Variants in DNAJC12 observed in about 807,000 individuals in gnomAD.
DNAJC12 encodes the protein dnaJ homolog subfamily C member 12.
In DNAJC12, 25 loss-of-function variants were observed where a neutral mutation model predicts 28.5. That is an observed-to-expected ratio of 0.88 (90% confidence interval 0.64 to 1.22). The LOEUF (loss-of-function observed/expected upper bound fraction) is 1.22. Among genes scored for constraint, DNAJC12 ranks in the 50% most tolerant of loss-of-function variants. The pLI is 0.00. For missense variants in DNAJC12, 222 were observed against 231.7 expected (o/e 0.96, Z 0.27); for synonymous variants, 77 against 80.6 (o/e 0.95, Z 0.24).
Position 67,805,211 on chromosome 10 carries a change from T to G in DNAJC12, c.502+372A>C, listed in dbSNP as rs74719503. ...GCCTTTGGTTTTCTCATCTATAAAA[T>G]GAGAATAATATTGATATCAGCCTCA... On this transcript the variant is annotated intron_variant, in intron 4 of 4. Coordinates refer to ENST00000225171, the MANE Select transcript of DNAJC12 (RefSeq NM_021800.3). Among the ~76,000 whole-genome samples, 4,634 of 152,120 alleles carry G rather than the reference T, an allele frequency of 0.03. 535 individuals carry two copies. The East Asian group carries it at 0.42, about 14-fold the overall frequency.
chr10:67,797,857 G>A lies in DNAJC12; in HGVS notation c.503-647C>T, dbSNP rs577736117. ...AGATCAAGACCATCCTGGCTAACAC[G>A]GTGAAACCCCGTCTCTACTAAAAAT... On this transcript the variant is annotated intron_variant, in intron 4 of 4. Coordinates refer to ENST00000225171, the MANE Select transcript of DNAJC12 (RefSeq NM_021800.3). Among the ~76,000 whole-genome samples, 180 of 152,002 alleles carry A rather than the reference G, an allele frequency of 1.2e-3. 1 individual carries two copies. Among genetic ancestry groups the A allele is most frequent in the African/African-American group, 3.6e-3 (149 of 41,460 alleles).
chr10:67,818,662 T>C (rs1419657560), intron 2 of DNAJC12, among the ~76,000 whole-genome samples: 1 of 148,984 alleles, frequency 6.7e-6, no homozygotes, highest in Non-Finnish European at 1.5e-5. Context: ...TTTTTATAAT[T>C]TTTTTTTTTT....
rs964350981 is a variant in DNAJC12 at position 67,796,993 on chromosome 10, A to G, written c.*123T>C. The G allele has an allele frequency of 2.5e-5, 16 of 650,224 alleles. No homozygotes were observed. The highest frequency in any genetic ancestry group is 2.0e-4 in the African/African-American group (11 of 54,224). The allele number at this position is 650,224 out of a possible 1,614,324, so 40.3% of individuals were successfully genotyped here. A position where few individuals can be genotyped will look rare whatever the true frequency, so the allele number is the denominator to read the frequency against. On this transcript the variant is annotated 3_prime_UTR_variant, in exon 5 of 5. Coordinates refer to ENST00000225171, the MANE Select transcript of DNAJC12 (RefSeq NM_021800.3). ...AACTGATTCAAGGATGGAGGAATCA[A>G]TTAGTACTCAGCAATTCACAGACAT...
chr10:67,816,418 C>G (rs1564861985), intron 2 of DNAJC12, among the ~76,000 whole-genome samples: 1 of 151,794 alleles, frequency 6.6e-6, no homozygotes, highest in African/African-American at 2.4e-5. Context: ...AAAATTGAGA[C>G]ATTAAAAGAT....
chr10:67,811,720 C>A (rs1055406164), intron 2 of DNAJC12, 57 bp from the exon 3 acceptor site: 2 of 1,569,098 alleles, frequency 1.3e-6, no homozygotes, highest in Admixed American at 1.9e-5. Context: ...TTTTAAACTC[C>A]AAAACTATCC....
rs1841676443 is a variant in DNAJC12 at position 67,796,713 on chromosome 10, A to G, written c.*403T>C. 6.5e-6 allele frequency: 1 copy of G among 153,458 alleles called. No individual in the cohort carries two copies. Among genetic ancestry groups the G allele is most frequent in the Non-Finnish European group, 1.5e-5 (1 of 68,946 alleles). The allele number at this position is 153,458 out of a possible 1,614,324, so 9.5% of individuals were successfully genotyped here. On this transcript the variant is annotated 3_prime_UTR_variant, in exon 5 of 5. Coordinates refer to ENST00000225171, the MANE Select transcript of DNAJC12 (RefSeq NM_021800.3). ...TTATTTCTCCCCACGGGGTTCAGAC[A>G]AGTAATTTCACATTTCATTGTAAGT...
chr10:67,826,291 C>T (rs951924955), intron 1 of DNAJC12, among the ~76,000 whole-genome samples: 1 of 151,420 alleles, frequency 6.6e-6, no homozygotes, highest in Non-Finnish European at 1.5e-5. Flanking sequence ...CAGGCAACCA[C>T]ACCCAGCTAA....
intron 1 of DNAJC12, among the ~76,000 whole-genome samples, chr10:67,826,467 CATAT>C (rs71006171): frequency 2.6e-4 from 36 of 140,692 alleles, no homozygotes; most frequent in East Asian, 8.1e-4. Context: ...TATATATATG[CATAT>C]ATATATATAT....
chr10:67,816,543 CTTTTTTTT>C (rs367769639), intron 2 of DNAJC12, among the ~76,000 whole-genome samples: 1 of 88,260 alleles, frequency 1.1e-5, no homozygotes, highest in African/African-American at 3.4e-5. Flanking sequence ...AGTTTACTTT[CTTTTTTTT>C]TTTTTTTTTT....
At chr10:67,811,174 A>T (rs891196197) in intron 3 of DNAJC12, 2 of 534,708 alleles carry the variant, frequency 3.7e-6, no homozygotes, top group Non-Finnish European at 4.9e-6. Context: ...AAAAAGATGG[A>T]GAATGTGAAT....
chr10:67,826,877 T>C (rs1842041261), intron 1 of DNAJC12, among the ~76,000 whole-genome samples: 1 of 139,288 alleles, frequency 7.2e-6, no homozygotes, highest in Non-Finnish European at 1.5e-5. Context: ...ATCTATTATA[T>C]ATGTCTAATG....
intron 3 of DNAJC12, among the ~76,000 whole-genome samples, chr10:67,810,676 C>G (rs1449535549): frequency 1.3e-5 from 2 of 152,006 alleles, no homozygotes; most frequent in Non-Finnish European, 2.9e-5. Flanking sequence ...TTTGGGAGGC[C>G]GAGGTCTTTT....
At position 67,797,125 on chromosome 10, in the gene DNAJC12, A is replaced by G. The variant is rs748802389; in HGVS notation, c.588T>C (p.Tyr196=). 1.2e-6 allele frequency: 2 copies of G among 1,613,066 alleles called. No individual in the cohort carries two copies. Among genetic ancestry groups the G allele is most frequent in the Non-Finnish European group, 8.5e-7 (1 of 1,179,392 alleles). The change falls in exon 5 of 5, where the codon TAT becomes TAC. Residue 196 remains tyrosine, a synonymous_variant. Coordinates refer to ENST00000225171, the MANE Select transcript of DNAJC12 (RefSeq NM_021800.3). ...PSELLRKFRN[Y]EI ...TTGAAGCAGAGATATTTCATATTTC[A>G]TAGTTTCTGAACTTCCTCAGGAGTT... is the stretch of plus-strand genomic sequence containing the variant.
chr10:67,828,653 A>ATT (rs753850848), intron 1 of DNAJC12, among the ~76,000 whole-genome samples: 1,226 of 97,724 alleles, frequency 0.013, 10 homozygotes, highest in Non-Finnish European at 0.02. Flanking sequence ...TAAATATTCT[A>ATT]TTTTCTCTCT....
rs12416174 is a variant in DNAJC12 at position 67,835,429 on chromosome 10, C to T, written c.78+2505G>A. 0.03 allele frequency among the ~76,000 whole-genome samples: 4,621 copies of T among 152,142 alleles called. 529 individuals are homozygous for T. In the East Asian group the frequency reaches 0.41, roughly 14 times the overall value. ...GAGAAAAGCCAGGTGCGGTGGCTCA[C>T]GTCTGTAATCCCAGTATTTTAGGAG... On this transcript the variant is annotated intron_variant, in intron 1 of 4. Coordinates refer to ENST00000225171, the MANE Select transcript of DNAJC12 (RefSeq NM_021800.3).
chr10:67,826,870 T>C (rs1381329323), intron 1 of DNAJC12, among the ~76,000 whole-genome samples: 1 of 138,646 alleles, frequency 7.2e-6, no homozygotes, highest in East Asian at 2.0e-4. Flanking sequence ...CTATTATATC[T>C]ATTATATATG....
chr10:67,813,524 C>T lies in DNAJC12; in HGVS notation c.158-1861G>A, dbSNP rs569413476. On this transcript the variant is annotated intron_variant, in intron 2 of 4. Transcript: ENST00000225171. Reference sequence around the variant, plus strand: ...CAGCACTTTGGGAGTCCGAAGTGGGCGGATCACGAGGTCAGGAGTTCGAGA... The same window carrying T: ...CAGCACTTTGGGAGTCCGAAGTGGGTGGATCACGAGGTCAGGAGTTCGAGA... 1.6e-4 allele frequency among the ~76,000 whole-genome samples: 24 copies of T among 151,228 alleles called. No individual in the cohort carries two copies. The East Asian group carries it at 1.8e-3, about 11-fold the overall frequency.
intron 1 of DNAJC12, among the ~76,000 whole-genome samples, chr10:67,828,018 C>A (rs981429260): frequency 2.6e-5 from 4 of 152,246 alleles, no homozygotes; most frequent in Non-Finnish European, 5.9e-5. Context: ...GGAGCTGACA[C>A]CCCCGATGTC....
chr10:67,813,235 C>T (rs1325604305), intron 2 of DNAJC12, among the ~76,000 whole-genome samples: 4 of 150,688 alleles, frequency 2.7e-5, no homozygotes, highest in African/African-American at 7.3e-5. Flanking sequence ...TGGCGGTGGG[C>T]GCCTGTAATC....
Sources: allele counts gnomAD v4.1 joint callset (sites outside exome capture counted in the v4.1 genomes callset), GRCh38; gene constraint gnomAD v4.1.1; transcripts MANE v1.5; gene names NCBI Gene and HGNC (gene_info 2026-07-23, HGNC 2026-07-21).